LRRK2: variants seen among roughly 807,000 people sequenced by gnomAD.
The protein encoded by LRRK2 is leucine-rich repeat serine/threonine-protein kinase 2.
LRRK2 carries 203 observed loss-of-function variants against 302.6 expected under a neutral mutation model. The observed-to-expected ratio is 0.67, with a 90% CI of 0.60 to 0.75. LRRK2 has a LOEUF of 0.75. Among genes scored for constraint, LRRK2 ranks in the 30% least tolerant of loss-of-function variants. The probability of loss-of-function intolerance (pLI) is 0.00; values close to 1 mark genes in which losing one functional copy is unlikely to be tolerated. For missense variants in LRRK2, 2,830 were observed against 2,951.0 expected (o/e 0.96, Z 0.95); for synonymous variants, 1,066 against 1,031.9 (o/e 1.03, Z -0.63).
intron 5 of LRRK2, among the ~76,000 whole-genome samples, chr12:40,238,775 C>T (rs375769135): frequency 1.3e-5 from 2 of 152,082 alleles, no homozygotes; most frequent in Admixed American, 1.3e-4. Context: ...TTTATGTGGG[C>T]CCTGTGTCAG....
rs190597533 is a variant in LRRK2 at position 40,283,925 on chromosome 12, T to C, written c.2292T>C (p.Ser764=). 8.1e-6 allele frequency: 13 copies of C among 1,613,718 alleles called. No homozygotes were observed. In the Admixed American group the frequency reaches 1.0e-4, roughly 12 times the overall value. ...SPKLVELLLN[S]GSREQDVRKA... ...AATTGGTGGAACTCTTACTGAATAGTGGATCTCGTGAACAAGATGTACGAA... is the reference window on the plus strand; with the variant it reads ...AATTGGTGGAACTCTTACTGAATAGCGGATCTCGTGAACAAGATGTACGAA... Residue 764 remains serine (S), a synonymous_variant, in exon 19 of 51, where the codon AGT becomes AGC. Coordinates refer to ENST00000298910, the MANE Select transcript of LRRK2 (RefSeq NM_198578.4).
intron 22 of LRRK2, among the ~76,000 whole-genome samples, 183 bp downstream of exon 22, chr12:40,295,097 T>G (rs1944327808): frequency 6.6e-6 from 1 of 152,274 alleles, no homozygotes; most frequent in African/African-American, 2.4e-5. Flanking sequence ...TTTAAAAATT[T>G]ACCTTTCTTG....
intron 13 of LRRK2, among the ~76,000 whole-genome samples, chr12:40,260,237 G>A (rs185244520): frequency 2.6e-5 from 4 of 151,912 alleles, no homozygotes; most frequent in Non-Finnish European, 5.9e-5. Flanking sequence ...AAGCACAACT[G>A]TACTATTATA....
chr12:40,241,326 G>T (rs548235447), intron 6 of LRRK2, among the ~76,000 whole-genome samples: 5 of 152,290 alleles, frequency 3.3e-5, no homozygotes, highest in South Asian at 4.1e-4. Flanking sequence ...ATTTTATTGT[G>T]ACTCTTGATT....
At chr12:40,365,085 T>C (rs749171076) in intron 49 of LRRK2, 35 bp downstream of exon 49, 4 of 1,568,320 alleles carry the variant, frequency 2.6e-6, no homozygotes, top group Non-Finnish European at 3.5e-6. Flanking sequence ...TTTCATATTC[T>C]CTAAGTCTTA....
At chr12:40,233,757 T>A (rs1941307879) in intron 3 of LRRK2, among the ~76,000 whole-genome samples, 1 of 152,248 alleles carries the variant, frequency 6.6e-6, no homozygotes, top group Non-Finnish European at 1.5e-5. Context: ...CATCTAGTCA[T>A]ATTCCTGTAC....
intron 25 of LRRK2, among the ~76,000 whole-genome samples, chr12:40,302,476 A>G (rs1428371309): frequency 6.6e-6 from 1 of 152,146 alleles, no homozygotes; most frequent in Non-Finnish European, 1.5e-5. Flanking sequence ...GGTATATAAT[A>G]ACATCACACA....
At chr12:40,353,731 C>T (rs17491673) in intron 44 of LRRK2, among the ~76,000 whole-genome samples, 5,785 of 152,344 alleles carry the variant, frequency 0.038, 361 homozygotes, top group African/African-American at 0.13. Flanking sequence ...TCTGCAATCC[C>T]GGCACCTCGG....
intron 11 of LRRK2, 27 bp from the exon 12 acceptor site, chr12:40,257,218 ATCT>A (rs1335322810): frequency 1.4e-6 from 2 of 1,444,420 alleles, no homozygotes; most frequent in Admixed American, 3.4e-5. Flanking sequence ...ATGCTTTCAT[ATCT>A]ATAAGTAACA....
chr12:40,350,028 G>A (rs4768234), intron 43 of LRRK2, among the ~76,000 whole-genome samples: 116,885 of 152,176 alleles, frequency 0.77, 45,742 homozygotes, highest in Non-Finnish European at 0.86. Flanking sequence ...AAGCTTGTGA[G>A]TAGCAATTTT....
intron 7 of LRRK2, among the ~76,000 whole-genome samples, chr12:40,248,925 T>C (rs566563429): frequency 7.9e-5 from 12 of 152,322 alleles, no homozygotes; most frequent in Admixed American, 5.2e-4. Flanking sequence ...TGGGTGAATG[T>C]GGAAGAGGCA....
chr12:40,294,745 A>G (rs1418233451), intron 21 of LRRK2, 100 bp from the exon 22 acceptor site: 2 of 639,932 alleles, frequency 3.1e-6, no homozygotes, highest in Non-Finnish European at 5.3e-6. Context: ...ATAATTATAA[A>G]TACCATTAAC....
intron 43 of LRRK2, among the ~76,000 whole-genome samples, chr12:40,351,160 A>G (rs182269817): frequency 5.0e-4 from 76 of 152,304 alleles, no homozygotes; most frequent in Non-Finnish European, 9.0e-4. Flanking sequence ...GTTCCTTTCA[A>G]CTACTAGAAG....
In LRRK2 at chr12:40,335,979, G is replaced by A. The variant is rs142436514; in HGVS notation, c.5948+822G>A. Among the ~76,000 whole-genome samples, 456 of 152,186 alleles carry A rather than the reference G, an allele frequency of 3.0e-3. 1 individual carries two copies. The highest frequency in any genetic ancestry group is 5.7e-3 in the Non-Finnish European group (386 of 68,014). ...GCTTCTAACAATTTCTCTCACTAAC[G>A]TCTAAATCTGAGCCAGTATCATCTC... On this transcript the variant is annotated intron_variant, in intron 40 of 50. Coordinates refer to ENST00000298910, the MANE Select transcript of LRRK2 (RefSeq NM_198578.4).
chr12:40,271,025 C>T (rs1291959999), intron 14 of LRRK2, among the ~76,000 whole-genome samples: 1 of 152,040 alleles, frequency 6.6e-6, no homozygotes, highest in Non-Finnish European at 1.5e-5. Flanking sequence ...AGCAATCCTG[C>T]CTCGACCTCC....
chr12:40,237,675 T>C (rs1941527030), intron 4 of LRRK2, among the ~76,000 whole-genome samples: 1 of 152,204 alleles, frequency 6.6e-6, no homozygotes, highest in African/African-American at 2.4e-5. Context: ...GGCATAAGAA[T>C]GTATTTCAGA....
intron 44 of LRRK2, among the ~76,000 whole-genome samples, chr12:40,353,875 T>G (rs1407591036): frequency 6.6e-6 from 1 of 152,156 alleles, no homozygotes; most frequent in Non-Finnish European, 1.5e-5. Flanking sequence ...TGGCAGGCAC[T>G]CTGCAGGCTG....
chr12:40,303,974 A>G lies in LRRK2; in HGVS notation c.3617A>G (p.Asn1206Ser). 6.2e-7 allele frequency: 1 copy of G among 1,613,770 alleles called. No individual in the cohort carries two copies. The highest frequency in any genetic ancestry group is 8.5e-7 in the Non-Finnish European group (1 of 1,179,764). Residue 1206 changes from asparagine (N) to serine (S), a missense_variant, in exon 27 of 51, where the codon AAT becomes AGT. By Grantham distance (46) the Asn-to-Ser change is conservative (BLOSUM62 1). Around this residue, in one of 3 missense-constraint regions of LRRK2, gnomAD observed 2,121 missense variants for 2,148.0 expected, o/e 0.99. Coordinates refer to ENST00000298910, the MANE Select transcript of LRRK2 (RefSeq NM_198578.4). ...PHLRSLDMSS[N>S]DIQYLPGPAH... is the part of the protein sequence containing the mutation. ...TTGCGGTCTTTAGATATGAGCAGCA[A>G]TGATATTCAGTACCTACCAGGTCCC... is the stretch of plus-strand genomic sequence containing the variant.
intron 23 of LRRK2, 56 bp downstream of exon 23, chr12:40,295,700 T>C: frequency 6.6e-7 from 1 of 1,507,682 alleles, no homozygotes. Flanking sequence ...TTTGTATTTA[T>C]ATCTAATTTG....
Sources: gnomAD v4.1 joint callset for allele counts (sites outside exome capture counted in the v4.1 genomes callset) on GRCh38, gnomAD v4.1.1 for gene constraint, gnomAD v4.1.1 regional missense constraint, MANE v1.5 for transcripts, NCBI Gene and HGNC (gene_info 2026-07-23, HGNC 2026-07-21) for gene names.